Variants in DARS1 observed in about 807,000 individuals in gnomAD.
The protein encoded by DARS1 is aspartyl-tRNA synthetase 1, also known as aspartate--tRNA ligase, cytoplasmic.
In DARS1, 51 loss-of-function variants were observed where a neutral mutation model predicts 68.8. The ratio of observed to expected loss-of-function variants is 0.74; its 90% CI spans 0.59 to 0.94. DARS1 has a LOEUF of 0.94. DARS1 is among the 40% of genes least tolerant of loss of function. The pLI is 0.00. For missense variants in DARS1, 607 were observed against 597.3 expected (o/e 1.02, Z -0.17); for synonymous variants, 203 against 190.4 (o/e 1.07, Z -0.55).
chr2:135,908,578 TG>T (rs1680834222), intron 15 of DARS1, among the ~76,000 whole-genome samples: 1 of 152,212 alleles, frequency 6.6e-6, no homozygotes, highest in Non-Finnish European at 1.5e-5. Context: ...CAGCATCTGT[TG>T]TTTCTCGACT....
intron 6 of DARS1, 33 bp downstream of exon 6, chr2:135,933,877 G>A (rs764364820): frequency 3.8e-6 from 6 of 1,598,030 alleles, no homozygotes; most frequent in South Asian, 1.1e-5. Flanking sequence ...AATATACAGC[G>A]GAAGCATAAT....
chr2:135,963,474 C>A (rs1269967884), intron 3 of DARS1, among the ~76,000 whole-genome samples: 1 of 151,386 alleles, frequency 6.6e-6, no homozygotes, highest in Non-Finnish European at 1.5e-5. Context: ...CGGGTTCAAG[C>A]GATTCTCCTG....
chr2:135,964,484 GAGC>G (rs1682174923), intron 3 of DARS1, among the ~76,000 whole-genome samples: 1 of 152,056 alleles, frequency 6.6e-6, no homozygotes, highest in Non-Finnish European at 1.5e-5. Context: ...CTAAACATAG[GAGC>G]AAATGTACCT....
intron 4 of DARS1, among the ~76,000 whole-genome samples, chr2:135,957,056 C>T (rs374538446): frequency 1.2e-4 from 18 of 151,992 alleles, no homozygotes; most frequent in Admixed American, 5.2e-4. Context: ...TGACCAACCG[C>T]GCCCGGCCTG....
At chr2:135,931,029 C>T (rs951810601) in intron 7 of DARS1, among the ~76,000 whole-genome samples, 7 of 152,166 alleles carry the variant, frequency 4.6e-5, no homozygotes, top group African/African-American at 1.7e-4. Context: ...TATTTTTAAT[C>T]AGGGCACCTG....
intron 5 of DARS1, among the ~76,000 whole-genome samples, chr2:135,937,953 C>A (rs971686439): frequency 3.9e-5 from 6 of 152,298 alleles, no homozygotes; most frequent in Admixed American, 2.6e-4. Flanking sequence ...TTTGGTGAAT[C>A]TGACAATTGT....
At chr2:135,975,769 A>G (rs1480713271) in intron 3 of DARS1, among the ~76,000 whole-genome samples, 1 of 151,718 alleles carries the variant, frequency 6.6e-6, no homozygotes, top group Non-Finnish European at 1.5e-5. Context: ...AAAAAAAAAA[A>G]AAGCCCTCAT....
At chr2:135,915,928 G>C (rs556276349) in intron 11 of DARS1, among the ~76,000 whole-genome samples, 26 of 151,930 alleles carry the variant, frequency 1.7e-4, no homozygotes, top group South Asian at 1.0e-3. Context: ...TGAAAACTTA[G>C]GCAAACTATA....
intron 4 of DARS1, among the ~76,000 whole-genome samples, chr2:135,960,301 C>T (rs932219474): frequency 3.3e-5 from 5 of 152,000 alleles, no homozygotes; most frequent in Non-Finnish European, 2.9e-5. Flanking sequence ...TTCTTAAATC[C>T]GAGTGCAGGT....
intron 15 of DARS1, 186 bp downstream of exon 15, chr2:135,910,951 AAG>A: frequency 2.0e-6 from 1 of 493,738 alleles, no homozygotes; most frequent in South Asian, 3.0e-5. Flanking sequence ...CTAAATTCTT[AAG>A]AGAAAAAAAA....
At chr2:135,915,709 A>G (rs996848547) in intron 11 of DARS1, among the ~76,000 whole-genome samples, 10 of 152,116 alleles carry the variant, frequency 6.6e-5, no homozygotes, top group South Asian at 2.1e-4. Flanking sequence ...AACAATATTG[A>G]CTTTTATAAC....
intron 4 of DARS1, among the ~76,000 whole-genome samples, chr2:135,951,324 G>A (rs554954542): frequency 3.9e-5 from 6 of 152,300 alleles, no homozygotes; most frequent in African/African-American, 1.4e-4. Flanking sequence ...CAAAGAGTGG[G>A]TCATGTGTAC....
intron 5 of DARS1, among the ~76,000 whole-genome samples, chr2:135,935,210 T>C (rs138744306): frequency 1.3e-5 from 2 of 152,142 alleles, no homozygotes; most frequent in Non-Finnish European, 2.9e-5. Flanking sequence ...ACCCCTTCAT[T>C]GCTCTCTCTC....
chr2:135,938,838 C>CA (rs202017507), intron 5 of DARS1, among the ~76,000 whole-genome samples: 7,403 of 150,590 alleles, frequency 0.049, 245 homozygotes, highest in Middle Eastern at 0.095. Flanking sequence ...AATGGAAAAC[C>CA]AAAAAAAACA....
chr2:135,939,078 C>T (rs540189355), intron 5 of DARS1, among the ~76,000 whole-genome samples: 1 of 152,306 alleles, frequency 6.6e-6, no homozygotes, highest in East Asian at 1.9e-4. Flanking sequence ...TAACACCCCA[C>T]TGTCAACATT....
intron 4 of DARS1, among the ~76,000 whole-genome samples, chr2:135,952,770 T>G (rs965342514): frequency 6.6e-6 from 1 of 152,232 alleles, no homozygotes; most frequent in African/African-American, 2.4e-5. Context: ...TCCATTCATC[T>G]GTTGAAGGAA....
chr2:135,930,790 T>C (rs1215480131), intron 7 of DARS1, among the ~76,000 whole-genome samples: 1 of 151,832 alleles, frequency 6.6e-6, no homozygotes. Flanking sequence ...TACCTAAGAG[T>C]GAGGTGAAAT....
At chr2:135,980,693 CAGA>C (rs1304904589) in intron 2 of DARS1, 6 of 152,288 alleles carry the variant, frequency 3.9e-5, no homozygotes, top group African/African-American at 7.2e-5. Flanking sequence ...GACACATCAG[CAGA>C]AGATTTTAAA....
rs767543033 is a variant in DARS1 at position 135,932,823 on chromosome 2, T to C, written c.524A>G (p.Asn175Ser). The stretch of plus-strand genomic sequence containing the variant: ...TCTGTTGTCTAATCTTGTATCCTGG[T>C]TAACAGTAGCTCTTCCTTCCTAAAA... ...EGEEEGRATV[N>S]QDTRLDNRVI... Residue 175 changes from asparagine (N) to serine (S), a missense_variant, in exon 7 of 16, where the codon AAC becomes AGC. By Grantham distance (46) the Asn-to-Ser change is conservative. Transcript: ENST00000264161. The C allele has an allele frequency of 7.4e-7, 1 of 1,353,348 alleles. No homozygotes were observed. The highest frequency in any genetic ancestry group is 1.0e-6 in the Non-Finnish European group (1 of 956,128). The allele number at this position is 1,353,348 out of a possible 1,614,324, so 83.8% of individuals were successfully genotyped here.
Sources: gnomAD v4.1 joint callset for allele counts (sites outside exome capture counted in the v4.1 genomes callset) on GRCh38, gnomAD v4.1.1 for gene constraint, MANE v1.5 for transcripts, NCBI Gene and HGNC (gene_info 2026-07-23, HGNC 2026-07-21) for gene names.